The following PPP1R12A variants were observed in gnomAD, a reference collection of about 807,000 sequenced individuals.
PPP1R12A encodes protein phosphatase 1 regulatory subunit 12A.
PPP1R12A carries 19 observed loss-of-function variants against 139.6 expected under a neutral mutation model. That is an observed-to-expected ratio of 0.14 (90% CI 0.09 to 0.20). The LOEUF is 0.20. Among genes scored for constraint, PPP1R12A ranks in the 10% least tolerant of loss-of-function variants. The probability of loss-of-function intolerance (pLI) is 1.00; values close to 1 mark genes in which losing one functional copy is unlikely to be tolerated. For missense variants in PPP1R12A, 925 were observed against 1,211.5 expected, an observed-to-expected ratio of 0.76 and a Z score of 3.51; for synonymous variants, 427 against 420.6, an observed-to-expected ratio of 1.02 and a Z score of -0.19.
At chr12:79,809,181 T>C (rs1220607541) in intron 10 of PPP1R12A, among the ~76,000 whole-genome samples, 4 of 152,112 alleles carry the variant, frequency 2.6e-5, no homozygotes, top group Non-Finnish European at 4.4e-5. Context: ...AAATTTCATC[T>C]GAATTTCTGA....
In PPP1R12A at chr12:79,867,123, T is replaced by C. The variant is rs371054951; in HGVS notation, c.368+5685A>G. Among the ~76,000 whole-genome samples the C allele has an allele frequency of 5.2e-3, 790 of 152,196 alleles. 5 individuals are homozygous for C. The highest frequency in any genetic ancestry group is 0.018 in the African/African-American group (750 of 41,526). Reference sequence around the variant, plus strand: ...AAGCAAACGTGGCACATATACACCATGGAATATTGTGCAGCCATAAAAAAG... The same window carrying C: ...AAGCAAACGTGGCACATATACACCACGGAATATTGTGCAGCCATAAAAAAG... On this transcript the variant is annotated intron_variant, in intron 2 of 24. Transcript: ENST00000450142.
intron 14 of PPP1R12A, among the ~76,000 whole-genome samples, chr12:79,799,315 AT>A (rs1208806713): frequency 1.3e-5 from 2 of 151,944 alleles, no homozygotes; most frequent in Non-Finnish European, 2.9e-5. Flanking sequence ...CGCCCGACTA[AT>A]TTTTTTATTT....
chr12:79,930,568 T>G (rs1005334809), intron 1 of PPP1R12A, among the ~76,000 whole-genome samples: 5 of 151,876 alleles, frequency 3.3e-5, no homozygotes, highest in African/African-American at 7.3e-5. Context: ...AGGTCAGGAG[T>G]TCGAGACCAG....
intron 2 of PPP1R12A, among the ~76,000 whole-genome samples, chr12:79,857,163 C>T (rs961496134): frequency 2.0e-5 from 3 of 152,074 alleles, no homozygotes; most frequent in African/African-American, 7.2e-5. Flanking sequence ...TTCACAATAG[C>T]AAAGGCTTGG....
intron 19 of PPP1R12A, among the ~76,000 whole-genome samples, chr12:79,790,890 T>A (rs1340297021): frequency 6.6e-6 from 1 of 152,206 alleles, no homozygotes; most frequent in Non-Finnish European, 1.5e-5. Context: ...AATGGTTTGT[T>A]AAACTTCTTA....
chr12:79,864,899 G>A (rs958890384), intron 2 of PPP1R12A, among the ~76,000 whole-genome samples: 5 of 152,154 alleles, frequency 3.3e-5, no homozygotes, highest in African/African-American at 1.2e-4. Context: ...ACAAAGAAGA[G>A]CTGGTACCAT....
chr12:79,838,598 G>C (rs1477851346), intron 3 of PPP1R12A, among the ~76,000 whole-genome samples: 1 of 152,180 alleles, frequency 6.6e-6, no homozygotes, highest in African/African-American at 2.4e-5. Flanking sequence ...CTTGGGACTT[G>C]GTGCCCTGTG....
chr12:79,904,733 C>A (rs564075704), intron 1 of PPP1R12A, among the ~76,000 whole-genome samples: 1 of 152,144 alleles, frequency 6.6e-6, no homozygotes, highest in South Asian at 2.1e-4. Flanking sequence ...AAAGCATCTG[C>A]AGATTTCACT....
chr12:79,935,281 G>C, upstream of PPP1R12A: 2 of 1,077,778 alleles, frequency 1.9e-6, no homozygotes, highest in East Asian at 6.5e-5. Flanking sequence ...GCGCTCCCGC[G>C]AACTGCGGCG....
At chr12:79,934,223 A>G (rs765147307) in intron 1 of PPP1R12A, among the ~76,000 whole-genome samples, 10 of 152,210 alleles carry the variant, frequency 6.6e-5, no homozygotes, top group Admixed American at 2.0e-4. Context: ...CAAGTCCTAA[A>G]AAGTGCAACA....
At chr12:79,908,943 G>A (rs1401887214) in intron 1 of PPP1R12A, among the ~76,000 whole-genome samples, 1 of 152,186 alleles carries the variant, frequency 6.6e-6, no homozygotes, top group Non-Finnish European at 1.5e-5. Flanking sequence ...GAAGTTTCTG[G>A]AACACCCCAT....
At chr12:79,818,030 A>C (rs937354432) in intron 8 of PPP1R12A, among the ~76,000 whole-genome samples, 1 of 152,194 alleles carries the variant, frequency 6.6e-6, no homozygotes, top group African/African-American at 2.4e-5. Flanking sequence ...ACTCCTAAAA[A>C]GTCTAAAGTT....
At chr12:79,898,344 T>C (rs1885320045) in intron 1 of PPP1R12A, among the ~76,000 whole-genome samples, 8 of 152,062 alleles carry the variant, frequency 5.3e-5, no homozygotes, top group Admixed American at 5.2e-4. Flanking sequence ...TAGTCCCAGC[T>C]ACTTGGGAGG....
intron 1 of PPP1R12A, among the ~76,000 whole-genome samples, chr12:79,896,834 A>C (rs567128017): frequency 6.6e-6 from 1 of 152,334 alleles, no homozygotes; most frequent in African/African-American, 2.4e-5. Flanking sequence ...AACTGAAATC[A>C]AGAAGGAGTG....
intron 14 of PPP1R12A, among the ~76,000 whole-genome samples, chr12:79,802,788 T>G (rs1873353470): frequency 6.6e-6 from 1 of 152,044 alleles, no homozygotes; most frequent in Non-Finnish European, 1.5e-5. Context: ...AAAAAAAAAG[T>G]TCATAGCAAG....
intron 23 of PPP1R12A, chr12:79,779,573 T>C: frequency 5.7e-6 from 2 of 348,608 alleles, no homozygotes; most frequent in South Asian, 4.4e-5. Context: ...AACATTATTG[T>C]ATAGACAGAA....
intron 3 of PPP1R12A, among the ~76,000 whole-genome samples, chr12:79,840,776 A>G (rs1359952173): frequency 6.6e-6 from 1 of 152,196 alleles, no homozygotes; most frequent in African/African-American, 2.4e-5. Context: ...AATGCGTGTC[A>G]CCATATATCC....
intron 2 of PPP1R12A, among the ~76,000 whole-genome samples, chr12:79,869,618 T>C (rs990540829): frequency 1.3e-5 from 2 of 152,134 alleles, no homozygotes; most frequent in African/African-American, 4.8e-5. Flanking sequence ...AAAGGCACAC[T>C]GATGTAAACC....
chr12:79,778,081 T>C (rs1786058510), intron 24 of PPP1R12A, among the ~76,000 whole-genome samples: 1 of 152,104 alleles, frequency 6.6e-6, no homozygotes, highest in Non-Finnish European at 1.5e-5. Context: ...CTATAGGTAA[T>C]ATGGAGTTTG....
Sources: gnomAD v4.1 joint callset for allele counts (sites outside exome capture counted in the v4.1 genomes callset) on GRCh38, gnomAD v4.1.1 for gene constraint, MANE v1.5 for transcripts, NCBI Gene and HGNC (gene_info 2026-07-23, HGNC 2026-07-21) for gene names.